The following DCC variants were observed in gnomAD, a reference collection of about 807,000 sequenced individuals.
DCC encodes the protein DCC netrin 1 receptor, also known as netrin receptor DCC.
DCC carries 58 observed loss-of-function variants against 172.5 expected under a neutral mutation model. The ratio of observed to expected loss-of-function variants is 0.34; its 90% confidence interval spans 0.27 to 0.42. DCC has a LOEUF of 0.42. Among genes scored for constraint, DCC ranks in the 10% least tolerant of loss-of-function variants. The probability of loss-of-function intolerance (pLI) is 1.00; values close to 1 mark genes in which losing one functional copy is unlikely to be tolerated. For synonymous variants in DCC, 709 were observed against 644.5 expected (o/e 1.10, Z -1.52); for missense variants, 1,740 against 1,791.0 (o/e 0.97, Z 0.51).
chr18:53,138,827 G>A (rs2043786991), intron 7 of DCC, among the ~76,000 whole-genome samples: 1 of 152,110 alleles, frequency 6.6e-6, no homozygotes, highest in Admixed American at 6.5e-5. Context: ...AATAATTTCA[G>A]CCTGAAAAAT....
At chr18:53,517,012 G>A (rs1312024417) in intron 27 of DCC, among the ~76,000 whole-genome samples, 67 of 143,258 alleles carry the variant, frequency 4.7e-4, no homozygotes, top group Admixed American at 1.3e-3. Context: ...TGTTTATTGC[G>A]GCATTATTCA....
chr18:53,403,698 CT>C (rs887061568), intron 19 of DCC, among the ~76,000 whole-genome samples: 8 of 120,344 alleles, frequency 6.6e-5, no homozygotes, highest in Admixed American at 1.5e-4. Flanking sequence ...AGAGTCACTC[CT>C]TTTTTCCTTC....
chr18:53,102,184 C>T (rs564074936), intron 7 of DCC, among the ~76,000 whole-genome samples: 1 of 152,242 alleles, frequency 6.6e-6, no homozygotes, highest in Non-Finnish European at 1.5e-5. Context: ...CCATATGTGA[C>T]ATGCAGGCAC....
chr18:52,874,876 A>G (rs976967844), intron 2 of DCC, among the ~76,000 whole-genome samples: 2 of 152,086 alleles, frequency 1.3e-5, no homozygotes, highest in Non-Finnish European at 2.9e-5. Context: ...GTTAGTCTAG[A>G]GCCTTTACTG....
chr18:53,312,410 A>G (rs2057285821), intron 13 of DCC, among the ~76,000 whole-genome samples: 1 of 151,326 alleles, frequency 6.6e-6, no homozygotes, highest in Non-Finnish European at 1.5e-5. Flanking sequence ...GGAGCTGACT[A>G]ACTCTAGAAC....
At chr18:52,786,042 T>C (rs1375978967) in intron 2 of DCC, among the ~76,000 whole-genome samples, 2 of 152,090 alleles carry the variant, frequency 1.3e-5, no homozygotes, top group Admixed American at 6.6e-5. Flanking sequence ...CTACTGTTTA[T>C]AGCCCTACTG....
At position 53,208,836 on chromosome 18, in the gene DCC, T is replaced by A. The variant is rs148424390; in HGVS notation, c.1861+1019T>A. Among the ~76,000 whole-genome samples, 1,111 of 152,270 alleles carry A rather than the reference T, an allele frequency of 7.3e-3. 13 individuals are homozygous for A. The highest frequency in any genetic ancestry group is 0.031 in the Middle Eastern group (9 of 294). ...CCTCCACCTCTCGGGTTTAAGTGAT[T>A]CTCCTGCCCCCAGCCTCCTGAGTAC... is the stretch of plus-strand genomic sequence containing the variant. On this transcript the variant is annotated intron_variant, in intron 11 of 28. Transcript: ENST00000442544.
In DCC at chr18:53,110,348, G is replaced by A. The variant is rs1296673614; in HGVS notation, c.1261+44182G>A. ...TCAGTGTTATGTGGGTATATTAAAC[G>A]ACTGTTCCATATCATAGAAGTAGAT... On this transcript the variant is annotated intron_variant, in intron 7 of 28. Coordinates refer to ENST00000442544, the MANE Select transcript of DCC (RefSeq NM_005215.4). 3.3e-5 allele frequency among the ~76,000 whole-genome samples: 5 copies of A among 151,620 alleles called. No individual in the cohort carries two copies. The East Asian group carries it at 5.8e-4, about 18-fold the overall frequency.
intron 7 of DCC, among the ~76,000 whole-genome samples, chr18:53,077,874 A>G (rs1013020281): frequency 3.9e-5 from 6 of 152,140 alleles, no homozygotes; most frequent in Admixed American, 6.6e-5. Context: ...CTGGAAATTA[A>G]TTTTTAAAGT....
intron 12 of DCC, among the ~76,000 whole-genome samples, chr18:53,287,347 G>T (rs948232460): frequency 6.6e-6 from 1 of 152,114 alleles, no homozygotes; most frequent in South Asian, 2.1e-4. Context: ...ATATTCCATT[G>T]TATGGATATA....
At chr18:52,797,876 G>A (rs12970119) in intron 2 of DCC, among the ~76,000 whole-genome samples, 1 of 152,050 alleles carries the variant, frequency 6.6e-6, no homozygotes, top group African/African-American at 2.4e-5. Context: ...AAGGCTGGCT[G>A]GTTCTCAAGC....
intron 1 of DCC, among the ~76,000 whole-genome samples, chr18:52,440,135 A>G (rs1145248): frequency 0.031 from 4,736 of 152,254 alleles, 239 homozygotes; most frequent in African/African-American, 0.11. Context: ...CCCTGCTAAG[A>G]GCAGAATTCT....
chr18:52,608,665 A>G (rs2034187713), intron 1 of DCC, among the ~76,000 whole-genome samples: 1 of 152,212 alleles, frequency 6.6e-6, no homozygotes, highest in Admixed American at 6.5e-5. Flanking sequence ...CTGAGTGCCA[A>G]CTTAAGGAAC....
At chr18:52,702,260 C>T (rs2036138567) in intron 1 of DCC, among the ~76,000 whole-genome samples, 1 of 152,182 alleles carries the variant, frequency 6.6e-6, no homozygotes, top group South Asian at 2.1e-4. Context: ...CACCCTCCAA[C>T]CCTACTTGTT....
At chr18:52,692,943 C>A (rs1432284182) in intron 1 of DCC, among the ~76,000 whole-genome samples, 2 of 151,954 alleles carry the variant, frequency 1.3e-5, no homozygotes, top group Non-Finnish European at 2.9e-5. Flanking sequence ...AGAAATGTAC[C>A]CTTTAAGAAC....
At chr18:53,239,265 C>G (rs2056253431) in intron 12 of DCC, among the ~76,000 whole-genome samples, 1 of 148,544 alleles carries the variant, frequency 6.7e-6, no homozygotes, top group Non-Finnish European at 1.5e-5. Context: ...TTACTGTTCT[C>G]CATTTTATAG....
intron 2 of DCC, among the ~76,000 whole-genome samples, chr18:52,770,902 C>T (rs748903099): frequency 1.4e-4 from 21 of 152,096 alleles, no homozygotes; most frequent in Non-Finnish European, 2.2e-4. Context: ...CGCCATCCTT[C>T]AAAGCACATA....
At chr18:53,526,189 G>A (rs2046452898) in intron 27 of DCC, among the ~76,000 whole-genome samples, 1 of 152,110 alleles carries the variant, frequency 6.6e-6, no homozygotes, top group South Asian at 2.1e-4. Context: ...GTAGACCAGA[G>A]CAACCATCTC....
intron 1 of DCC, among the ~76,000 whole-genome samples, chr18:52,418,838 T>TTTTC (rs1416079242): frequency 1.9e-3 from 266 of 142,834 alleles, no homozygotes; most frequent in Non-Finnish European, 3.4e-3. Context: ...TCCTTTTTCT[T>TTTTC]TTTCTTTCTT....
Sources: allele counts gnomAD v4.1 joint callset (sites outside exome capture counted in the v4.1 genomes callset), GRCh38; gene constraint gnomAD v4.1.1; transcripts MANE v1.5; gene names NCBI Gene and HGNC (gene_info 2026-07-23, HGNC 2026-07-21).